Variants in PPP6R1 observed in about 807,000 individuals in gnomAD.
PPP6R1 encodes serine/threonine-protein phosphatase 6 regulatory subunit 1.
In PPP6R1, 39 loss-of-function variants were observed where a neutral mutation model predicts 104.6. The ratio of observed to expected loss-of-function variants is 0.37; its 90% CI spans 0.29 to 0.49. PPP6R1 has a LOEUF of 0.49. Ranked by LOEUF, PPP6R1 falls within the 20% of genes least tolerant of loss-of-function variation. The probability of loss-of-function intolerance (pLI) is 0.98; values close to 1 mark genes in which losing one functional copy is unlikely to be tolerated. For missense variants in PPP6R1, 1,181 were observed against 1,155.8 expected, an observed-to-expected ratio of 1.02 and a Z score of -0.32; for synonymous variants, 549 against 479.0, an observed-to-expected ratio of 1.15 and a Z score of -1.91.
intron 5 of PPP6R1, among the ~76,000 whole-genome samples, chr19:55,244,749 CTT>C (rs554641104): frequency 8.2e-5 from 12 of 146,436 alleles, no homozygotes; most frequent in East Asian, 2.0e-4. Flanking sequence ...TCTTTTCTTT[CTT>C]TTTTTTTTTT....
At position 55,230,499 on chromosome 19, in the gene PPP6R1, G is replaced by C. The variant is rs2087330207; in HGVS notation, c.*29C>G. On this transcript the variant is annotated 3_prime_UTR_variant, in exon 24 of 24. Transcript: ENST00000412770. ...CCGGGAGATCCACGGGAGGACGGAA[G>C]ATTTGGCCGCCGCTGCCGCACCAGG... 12 of 1,612,832 alleles carry C rather than the reference G, an allele frequency of 7.4e-6. No homozygotes were observed. The highest frequency in any genetic ancestry group is 9.3e-6 in the Non-Finnish European group (11 of 1,179,770).
At chr19:55,242,028 T>G in intron 7 of PPP6R1, 138 bp downstream of exon 7, 1 of 793,058 alleles carries the variant, frequency 1.3e-6, no homozygotes, top group Non-Finnish European at 2.0e-6. Context: ...CTGTCCACTG[T>G]GCAGGGAGCA....
Position 55,242,299 on chromosome 19 carries a change from G to A in PPP6R1, c.732-20C>T, listed in dbSNP as rs756118288. The A allele has an allele frequency of 6.2e-7, 1 of 1,613,466 alleles. No homozygotes were observed. Among genetic ancestry groups the A allele is most frequent in the Admixed American group, 1.7e-5 (1 of 60,030 alleles). On this transcript the variant is annotated intron_variant, in intron 6 of 23. Coordinates refer to ENST00000412770, the MANE Select transcript of PPP6R1 (RefSeq NM_014931.4). The stretch of plus-strand genomic sequence containing the variant: ...TCCTGCCTGCGGGGGCAGGGGCAGG[G>A]GTCAGGGTGAGGGGCCAGGGGCCCA...
Position 55,241,677 on chromosome 19 carries a change from A to G in PPP6R1, c.846-38T>C. The G allele has an allele frequency of 6.6e-7, 1 of 1,517,244 alleles. No homozygotes were observed. The highest frequency in any genetic ancestry group is 8.8e-7 in the Non-Finnish European group (1 of 1,131,006). 94.0% of individuals were successfully genotyped at this position (1,517,244 alleles called of 1,614,324 possible). On this transcript the variant is annotated intron_variant, in intron 7 of 23. Transcript: ENST00000412770. The surrounding 1 kb of genome is among the most constrained non-coding windows in gnomAD (Gnocchi z 5.4). ...AGGGTCGAAGGCGGAGTGAGCCTAG[A>G]TGGCCTGTGCGCCCACACAGGAGTA...
In PPP6R1 at chr19:55,240,284, C is replaced by T. The variant is rs767521010; in HGVS notation, c.1313G>A (p.Arg438His). 78 of 1,592,928 alleles carry T rather than the reference C, an allele frequency of 4.9e-5. No homozygotes were observed. Among genetic ancestry groups the T allele is most frequent in the South Asian group, 2.3e-4 (20 of 87,438 alleles). The change falls in exon 11 of 24, where the codon CGC becomes CAC. Residue 438 changes from arginine to histidine, a missense_variant. Arg to His is a conservative substitution (Grantham distance 29, BLOSUM62 0). Transcript: ENST00000412770. Reference sequence around the variant, plus strand: ...GGACGTCAGGATCCGCTCCACCAGGCGGCACTGCTGCAGCAGCTGCGGGAG... The same window carrying T: ...GGACGTCAGGATCCGCTCCACCAGGTGGCACTGCTGCAGCAGCTGCGGGAG... ...PVVKHLLQQC[R>H]LVERILTSWE...
intron 7 of PPP6R1, 22 bp downstream of exon 7, chr19:55,242,144 G>A (rs147414183): frequency 1.9e-6 from 3 of 1,602,172 alleles, no homozygotes; most frequent in Admixed American, 3.3e-5. Context: ...AGCATGCATG[G>A]TCTGTGGCCC....
At chr19:55,256,531 C>T (rs546591014) in intron 1 of PPP6R1, among the ~76,000 whole-genome samples, 1 of 152,334 alleles carries the variant, frequency 6.6e-6, no homozygotes, top group South Asian at 2.1e-4. Context: ...GAAAGAACGG[C>T]CAGGTGTGGT....
At chr19:55,228,616 C>T (rs113343347), downstream of PPP6R1, 4 of 1,549,368 alleles carry the variant, frequency 2.6e-6, no homozygotes, top group African/African-American at 1.4e-5. Context: ...AGGACAGCAG[C>T]TCCCAGACCC....
chr19:55,230,444 G>A lies in PPP6R1; in HGVS notation c.*84C>T, dbSNP rs1054547387. 4 of 1,578,398 alleles carry A rather than the reference G, an allele frequency of 2.5e-6. No homozygotes were observed. The highest frequency in any genetic ancestry group is 2.7e-5 in the African/African-American group (2 of 74,106). The stretch of plus-strand genomic sequence containing the variant: ...GTGTCAGGGTGATGAGGGCAATGGG[G>A]GCCATCGTGGGACCCGCCCTGCCCC... On this transcript the variant is annotated 3_prime_UTR_variant, in exon 24 of 24. Transcript: ENST00000412770.
chr19:55,239,800 G>C (rs531068978), intron 13 of PPP6R1, 26 bp downstream of exon 13: 4 of 1,609,856 alleles, frequency 2.5e-6, no homozygotes, highest in Admixed American at 3.3e-5. Flanking sequence ...AGCAGGAGGA[G>C]TGCAGGAAGA....
chr19:55,239,362 C>G (rs2087428578), intron 15 of PPP6R1, 43 bp downstream of exon 15: 1 of 1,566,294 alleles, frequency 6.4e-7, no homozygotes, highest in African/African-American at 1.4e-5. Flanking sequence ...CCTGCTGCTG[C>G]AGAGGCAGGA....
chr19:55,232,653 C>T (rs2087360809), intron 17 of PPP6R1: 1 of 165,224 alleles, frequency 6.1e-6, no homozygotes, highest in Non-Finnish European at 1.3e-5. Context: ...CAACTAGAAA[C>T]TCCAAGAAGG....
At chr19:55,235,060 T>G (rs1451905833) in intron 17 of PPP6R1, among the ~76,000 whole-genome samples, 1 of 152,102 alleles carries the variant, frequency 6.6e-6, no homozygotes, top group Non-Finnish European at 1.5e-5. Flanking sequence ...ATGTTACATG[T>G]CAATAAAAAG....
chr19:55,232,791 G>C (rs2087361959), intron 17 of PPP6R1: 1 of 152,714 alleles, frequency 6.5e-6, no homozygotes. Context: ...GAAAATCCAA[G>C]CAACCTACGT....
chr19:55,256,575 C>T (rs184702037), intron 1 of PPP6R1, among the ~76,000 whole-genome samples: 1 of 152,316 alleles, frequency 6.6e-6, no homozygotes, highest in Non-Finnish European at 1.5e-5. Context: ...CTCTGGGAGG[C>T]TAGGTAGGAG....
intron 1 of PPP6R1, among the ~76,000 whole-genome samples, chr19:55,254,727 A>T (rs571213851): frequency 6.6e-6 from 1 of 152,296 alleles, no homozygotes; most frequent in African/African-American, 2.4e-5. Context: ...CTAGGAAGGG[A>T]AAGAGCCTGC....
chr19:55,230,306 C>T lies in PPP6R1; in HGVS notation c.*222G>A. On this transcript the variant is annotated 3_prime_UTR_variant, in exon 24 of 24. Coordinates refer to ENST00000412770, the MANE Select transcript of PPP6R1 (RefSeq NM_014931.4). ...ATTCTCTCTATTTGACTCTCTGTATCTTTATTCTAGGAGGCAACGCTCCAA... is the reference window on the plus strand; with the variant it reads ...ATTCTCTCTATTTGACTCTCTGTATTTTTATTCTAGGAGGCAACGCTCCAA... 3.3e-6 allele frequency: 2 copies of T among 606,324 alleles called. No homozygotes were observed. The highest frequency in any genetic ancestry group is 5.8e-6 in the Non-Finnish European group (2 of 342,180). The allele number at this position is 606,324 out of a possible 1,614,324, so 37.6% of individuals were successfully genotyped here.
intron 17 of PPP6R1, chr19:55,232,883 C>A (rs2087362880): frequency 6.6e-6 from 1 of 152,312 alleles, no homozygotes; most frequent in Non-Finnish European, 1.5e-5. Context: ...AAAACGCCAT[C>A]ATTAGGCGAT....
chr19:55,230,807 C>A lies in PPP6R1; in HGVS notation c.2537G>T (p.Ser846Ile), dbSNP rs778910287. The A allele has an allele frequency of 6.8e-7, 1 of 1,466,036 alleles. No homozygotes were observed. Among genetic ancestry groups the A allele is most frequent in the East Asian group, 3.1e-5 (1 of 32,330 alleles). 90.8% of individuals were successfully genotyped at this position (1,466,036 alleles called of 1,614,324 possible). ...TTGGGGAAGCCCCAAGGGCTCTGGGCTCTTCTCCCCTTCTGTGGTCTGGGG... is the reference window on the plus strand; with the variant it reads ...TTGGGGAAGCCCCAAGGGCTCTGGGATCTTCTCCCCTTCTGTGGTCTGGGG... ...QPPQTTEGEK[S>I]PEPLGLPQSQ... is the part of the protein sequence containing the mutation. Residue 846 changes from serine to isoleucine, a missense_variant, in exon 22 of 24, where the codon AGC becomes ATC. By Grantham distance (142) the Ser-to-Ile change is moderately radical. This residue lies in a region of PPP6R1 where 1,042 missense variants were observed against 955.6 expected (regional missense o/e 1.09). Coordinates refer to ENST00000412770, the MANE Select transcript of PPP6R1 (RefSeq NM_014931.4).
Sources: allele counts gnomAD v4.1 joint callset (sites outside exome capture counted in the v4.1 genomes callset), GRCh38; gene constraint gnomAD v4.1.1; regional missense constraint gnomAD v4.1.1; non-coding constraint Gnocchi (gnomAD v3.1); transcripts MANE v1.5; gene names NCBI Gene and HGNC (gene_info 2026-07-23, HGNC 2026-07-21).